Variants in RBFOX1 observed in about 807,000 individuals in gnomAD.
RBFOX1 encodes RNA binding protein fox-1 homolog 1.
A neutral mutation model predicts 57.7 loss-of-function variants in RBFOX1; 8 were observed. The ratio of observed to expected loss-of-function variants is 0.14; its 90% CI spans 0.08 to 0.25. RBFOX1 has a LOEUF of 0.25. Ranked by LOEUF, RBFOX1 falls within the 10% of genes least tolerant of loss-of-function variation. The pLI is 1.00. For synonymous variants in RBFOX1, 326 were observed against 222.4 expected (o/e 1.47, Z -4.15); for missense variants, 611 against 548.5 (o/e 1.11, Z -1.14).
chr16:7,690,770 T>C (rs970600188), intron 14 of RBFOX1, among the ~76,000 whole-genome samples: 1 of 152,132 alleles, frequency 6.6e-6, no homozygotes, highest in Admixed American at 6.6e-5. Flanking sequence ...GAGAGGGTCA[T>C]AGATGATCCA....
intron 4 of RBFOX1, among the ~76,000 whole-genome samples, chr16:7,275,080 AG>A (rs1207624391): frequency 3.9e-5 from 6 of 152,162 alleles, no homozygotes; most frequent in Non-Finnish European, 7.3e-5. Context: ...CTGAGCGGGC[AG>A]GGTTCTGGAT....
chr16:6,251,359 G>T (rs970575759), intron 1 of RBFOX1, among the ~76,000 whole-genome samples: 1 of 152,088 alleles, frequency 6.6e-6, no homozygotes, highest in Non-Finnish European at 1.5e-5. Context: ...TCCTGTTACA[G>T]GAAGTTCAGA....
intron 4 of RBFOX1, among the ~76,000 whole-genome samples, chr16:7,348,471 T>C (rs996475633): frequency 1.3e-5 from 2 of 152,170 alleles, no homozygotes; most frequent in Non-Finnish European, 2.9e-5. Context: ...CAAACACATA[T>C]TCCGTGTCCT....
intron 4 of RBFOX1, among the ~76,000 whole-genome samples, chr16:5,877,305 A>C (rs2057638510): frequency 6.6e-6 from 1 of 152,254 alleles, no homozygotes; most frequent in Non-Finnish European, 1.5e-5. Flanking sequence ...AGACCCTGGT[A>C]ACTTAAAATG....
chr16:6,134,494 C>A (rs1299505302), intron 1 of RBFOX1, among the ~76,000 whole-genome samples: 1 of 152,108 alleles, frequency 6.6e-6, no homozygotes, highest in Non-Finnish European at 1.5e-5. Context: ...CATAGTAAAT[C>A]TGCCTGATCC....
At chr16:6,082,856 G>T (rs1403346636) in intron 1 of RBFOX1, among the ~76,000 whole-genome samples, 1 of 152,096 alleles carries the variant, frequency 6.6e-6, no homozygotes, top group Non-Finnish European at 1.5e-5. Context: ...CAATAGCCCA[G>T]ATCCCACGGG....
chr16:6,931,932 G>T (rs977839282), intron 3 of RBFOX1, among the ~76,000 whole-genome samples: 1 of 152,116 alleles, frequency 6.6e-6, no homozygotes, highest in Non-Finnish European at 1.5e-5. Flanking sequence ...GTAAGCAAGA[G>T]AACCAGGGGG....
At chr16:6,206,565 G>A (rs1386680396) in intron 1 of RBFOX1, among the ~76,000 whole-genome samples, 1 of 152,138 alleles carries the variant, frequency 6.6e-6, no homozygotes, top group Non-Finnish European at 1.5e-5. Flanking sequence ...GATATTAAAT[G>A]TTCAATGTTT....
At chr16:6,187,978 A>T (rs1181670135) in intron 1 of RBFOX1, among the ~76,000 whole-genome samples, 1 of 152,220 alleles carries the variant, frequency 6.6e-6, no homozygotes, top group African/African-American at 2.4e-5. Flanking sequence ...TTATTTTGCC[A>T]TGAAATTATT....
chr16:5,957,578 A>G (rs893722194), intron 4 of RBFOX1, among the ~76,000 whole-genome samples: 3 of 152,162 alleles, frequency 2.0e-5, no homozygotes, highest in Non-Finnish European at 4.4e-5. Flanking sequence ...CTGATCCTTC[A>G]TATGTGGAAG....
At chr16:5,789,711 G>A (rs140076130) in intron 3 of RBFOX1, among the ~76,000 whole-genome samples, 2,150 of 152,214 alleles carry the variant, frequency 0.014, 22 homozygotes, top group Non-Finnish European at 0.023. Flanking sequence ...GAAGATAGAA[G>A]CTCAAAAATG....
chr16:5,509,965 G>T (rs1290254365), intron 2 of RBFOX1, among the ~76,000 whole-genome samples: 1 of 152,158 alleles, frequency 6.6e-6, no homozygotes, highest in South Asian at 2.1e-4. Context: ...TGATGTCAGG[G>T]CACAAGTTCT....
At chr16:5,600,761 CAAG>C (rs1039091436), downstream of RBFOX1, among the ~76,000 whole-genome samples, 9 of 151,950 alleles carry the variant, frequency 5.9e-5, no homozygotes, top group Admixed American at 5.9e-4. Flanking sequence ...CCTGTGATGC[CAAG>C]AAGAAGAGGA....
chr16:7,485,423 T>A (rs2065123894), intron 4 of RBFOX1, among the ~76,000 whole-genome samples: 1 of 152,228 alleles, frequency 6.6e-6, no homozygotes, highest in South Asian at 2.1e-4. Context: ...ACAAATAGAT[T>A]AACACGCTCA....
intron 3 of RBFOX1, among the ~76,000 whole-genome samples, chr16:6,780,201 T>TTATATATTTATATATATTTATA (rs1567214151): frequency 3.0e-4 from 5 of 16,458 alleles, no homozygotes; most frequent in African/African-American, 6.6e-4. Flanking sequence ...TTATATATTT[T>TTATATATTTATATATATTTATA]TATATATTTA....
intron 1 of RBFOX1, among the ~76,000 whole-genome samples, chr16:5,418,383 C>A (rs1009277548): frequency 6.6e-6 from 1 of 151,742 alleles, no homozygotes; most frequent in Non-Finnish European, 1.5e-5. Flanking sequence ...AGGGGAAATA[C>A]GGAGGACCGG....
chr16:7,542,015 T>A (rs908804376), intron 5 of RBFOX1, among the ~76,000 whole-genome samples: 1 of 152,204 alleles, frequency 6.6e-6, no homozygotes, highest in African/African-American at 2.4e-5. Flanking sequence ...GTTTTCCTTC[T>A]CTTTTGACCT....
At chr16:7,492,827 C>G (rs749476517) in intron 4 of RBFOX1, among the ~76,000 whole-genome samples, 12 of 152,132 alleles carry the variant, frequency 7.9e-5, no homozygotes, top group African/African-American at 2.2e-4. Context: ...CACCTTCCAC[C>G]GTGAGTAAAA....
At chr16:5,589,789 C>G (rs1456867949) in intron 2 of RBFOX1, among the ~76,000 whole-genome samples, 1 of 152,192 alleles carries the variant, frequency 6.6e-6, no homozygotes, top group Non-Finnish European at 1.5e-5. Flanking sequence ...CACAGCCACC[C>G]AGACAGACTC....
Sources: gnomAD v4.1 joint callset for allele counts (sites outside exome capture counted in the v4.1 genomes callset) on GRCh38, gnomAD v4.1.1 for gene constraint, MANE v1.5 for transcripts, NCBI Gene and HGNC (gene_info 2026-07-23, HGNC 2026-07-21) for gene names.